Variants in FBXO27 observed in about 807,000 individuals in gnomAD.
The protein encoded by FBXO27 is F-box protein 27.
FBXO27 carries 28 observed loss-of-function variants against 28.3 expected under a neutral mutation model. That is an observed-to-expected ratio of 0.99 (90% confidence interval 0.73 to 1.36). FBXO27 has a LOEUF of 1.36. Among genes scored for constraint, FBXO27 ranks in the 40% most tolerant of loss-of-function variants. The probability of loss-of-function intolerance (pLI) is 0.00; values close to 1 mark genes in which losing one functional copy is unlikely to be tolerated. For missense variants in FBXO27, 388 were observed against 394.1 expected, an observed-to-expected ratio of 0.98 and a Z score of 0.13; for synonymous variants, 175 against 167.3, an observed-to-expected ratio of 1.05 and a Z score of -0.36.
chr19:39,019,383 C>A (rs1040185169), downstream of FBXO27, among the ~76,000 whole-genome samples: 2 of 115,006 alleles, frequency 1.7e-5, no homozygotes, highest in Admixed American at 2.5e-4. Flanking sequence ...CGAGATCGTG[C>A]CATTGCACTC....
At chr19:39,012,188 C>T (rs1444822447) in intron 2 of FBXO27, among the ~76,000 whole-genome samples, 4 of 133,362 alleles carry the variant, frequency 3.0e-5, no homozygotes, top group Non-Finnish European at 6.3e-5. Flanking sequence ...ATTTATTAAC[C>T]TTTTTTTTTT....
chr19:39,027,354 A>C (rs1412807020), intron 4 of FBXO27, among the ~76,000 whole-genome samples: 5 of 152,136 alleles, frequency 3.3e-5, no homozygotes. Flanking sequence ...CACGTGGGCA[A>C]TCGATCAATC....
In FBXO27 at chr19:39,031,953, G is replaced by A. The variant is rs752647836; in HGVS notation, c.275C>T (p.Pro92Leu). The change falls in exon 2 of 6, where the codon CCC (proline) becomes CTC (leucine). Residue 92 changes from proline (P) to leucine (L), a missense_variant. Coordinates refer to ENST00000292853, the MANE Select transcript of FBXO27 (RefSeq NM_178820.5). The stretch of plus-strand genomic sequence containing the variant: ...GGGGCAAGGCCTGGCGTTACGGGCG[G>A]GAGACTGGCAGCTGCGGGCGAGGTG... Reference protein sequence around the residue: ...LLHLARSCQSPARNARPCPLG... With the variant: ...LLHLARSCQSLARNARPCPLG... 2 of 1,519,408 alleles carry A rather than the reference G, an allele frequency of 1.3e-6. No homozygotes were observed. The highest frequency in any genetic ancestry group is 1.3e-5 in the South Asian group (1 of 78,682). 94.1% of individuals were successfully genotyped at this position (1,519,408 alleles called of 1,614,324 possible). A position where few individuals can be genotyped will look rare whatever the true frequency, so the allele number is the denominator to read the frequency against.
intron 2 of FBXO27, 152 bp downstream of exon 2, chr19:39,031,712 G>T: frequency 7.6e-7 from 1 of 1,315,542 alleles, no homozygotes; most frequent in East Asian, 2.7e-5. Context: ...GGCTCCCAAT[G>T]CTGCCCCGCC....
In FBXO27 at chr19:39,025,464, A is replaced by G. The variant is rs1313131954; in HGVS notation, c.799T>C (p.Tyr267His). 6.2e-7 allele frequency: 1 copy of G among 1,614,144 alleles called. No individual in the cohort carries two copies. The highest frequency in any genetic ancestry group is 8.5e-7 in the Non-Finnish European group (1 of 1,179,998). Residue 267 changes from tyrosine to histidine, a missense_variant, in exon 6 of 6, where the codon TAT (tyrosine) becomes CAT (histidine). By Grantham distance (83) the Tyr-to-His change is moderately conservative. Coordinates refer to ENST00000292853, the MANE Select transcript of FBXO27 (RefSeq NM_178820.5). ...CTGGAGTTGGTCACACGGGCTCCATAGTGGCCAGCCCAGAACTGTGTGTCC... is the reference window on the plus strand; with the variant it reads ...CTGGAGTTGGTCACACGGGCTCCATGGTGGCCAGCCCAGAACTGTGTGTCC... Reference protein sequence around the residue: ...GQDTQFWAGHYGARVTNSSVI... With the variant: ...GQDTQFWAGHHGARVTNSSVI...
chr19:39,012,635 C>CTTCTTT (rs201823960), intron 2 of FBXO27, among the ~76,000 whole-genome samples: 3 of 151,214 alleles, frequency 2.0e-5, no homozygotes, highest in Non-Finnish European at 4.4e-5. Flanking sequence ...AAATTTTCTT[C>CTTCTTT]TTTTTTTTTG....
chr19:39,032,028 C>T lies in FBXO27; in HGVS notation c.200G>A (p.Trp67Ter). ...GTGGTCGCGGGCCAGGATCAGCAGC[C>T]ACAGGGCCTGGCCGTCCACCAGGGC... ...WRALVDGQAL[W>*]LLILARDHGA... Residue 67 changes from tryptophan to a stop codon, truncating the protein, a stop_gained, in exon 2 of 6, where the codon TGG becomes TAG. Coordinates refer to ENST00000292853, the MANE Select transcript of FBXO27 (RefSeq NM_178820.5). LOFTEE classifies it high-confidence loss of function. The surrounding 1 kb of genome is among the most constrained non-coding windows in gnomAD (Gnocchi z 4.7). 2 of 1,529,388 alleles carry T rather than the reference C, an allele frequency of 1.3e-6. No homozygotes were observed. The highest frequency in any genetic ancestry group is 8.7e-7 in the Non-Finnish European group (1 of 1,144,538). 94.7% of individuals were successfully genotyped at this position (1,529,388 alleles called of 1,614,324 possible). A position where few individuals can be genotyped will look rare whatever the true frequency, so the allele number is the denominator to read the frequency against.
At position 39,031,241 on chromosome 19, in the gene FBXO27, G is replaced by A. The variant is rs148257967; in HGVS notation, c.444C>T (p.Ala148=). The change falls in exon 3 of 6, where the codon GCC becomes GCT. Residue 148 remains alanine (A), a synonymous_variant. Transcript: ENST00000292853. ...VEENRTTVPG[A]PSQTCFVTSF... is the part of the protein sequence containing the mutation. ...AAGTCACGAAGCACGTCTGAGAAGG[G>A]GCCCCAGGCACGGTTGTCCTGTTTT... is the stretch of plus-strand genomic sequence containing the variant. 22 of 1,613,972 alleles carry A rather than the reference G, an allele frequency of 1.4e-5. No homozygotes were observed. The highest frequency in any genetic ancestry group is 1.2e-4 in the African/African-American group (9 of 74,904).
Position 39,024,714 on chromosome 19 carries a change from G to C in FBXO27, c.*697C>G, listed in dbSNP as rs2072862678. 2 of 152,080 alleles carry C rather than the reference G, an allele frequency of 1.3e-5. No individual in the cohort carries two copies. The highest frequency in any genetic ancestry group is 4.8e-5 in the African/African-American group (2 of 41,384). 9.4% of individuals were successfully genotyped at this position (152,080 alleles called of 1,614,324 possible). ...ATTTTTTGGATTTTTAGTAGAGACG[G>C]GGTTTCACCATGTTGGCCAGGCTGG... On this transcript the variant is annotated 3_prime_UTR_variant, in exon 6 of 6. Coordinates refer to ENST00000292853, the MANE Select transcript of FBXO27 (RefSeq NM_178820.5).
At chr19:39,007,117 C>T (rs1975741391) in intron 2 of FBXO27, among the ~76,000 whole-genome samples, 1 of 150,464 alleles carries the variant, frequency 6.6e-6, no homozygotes, top group South Asian at 2.1e-4. Flanking sequence ...ACGTGGTGCC[C>T]CCTGGAGACA....
At chr19:39,008,048 A>C (rs1021877159) in intron 2 of FBXO27, among the ~76,000 whole-genome samples, 3 of 152,100 alleles carry the variant, frequency 2.0e-5, no homozygotes, top group Non-Finnish European at 4.4e-5. Flanking sequence ...CGGTTGCCTG[A>C]GCTTAGGAGC....
rs992264138 is a variant in FBXO27, at chr19:39,032,402, G to C, written c.-27+101C>G. On this transcript the variant is annotated intron_variant, in intron 1 of 5. Transcript: ENST00000292853. This position sits in a 1 kb window ranked among gnomAD's most constrained non-coding sequence, Gnocchi z 4.7. Reference sequence around the variant, plus strand: ...CCCATCCCCCAGCCCGTCCTTGATAGCCCCGATATCCCGGAGACCCCGCGG... The same window carrying C: ...CCCATCCCCCAGCCCGTCCTTGATACCCCCGATATCCCGGAGACCCCGCGG... The C allele has an allele frequency of 4.3e-6, 4 of 930,662 alleles. No individual in the cohort carries two copies. The highest frequency in any genetic ancestry group is 5.9e-6 in the Non-Finnish European group (4 of 676,308). The allele number at this position is 930,662 out of a possible 1,614,324, so 57.7% of individuals were successfully genotyped here. A position where few individuals can be genotyped will look rare whatever the true frequency, so the allele number is the denominator to read the frequency against.
intron 1 of FBXO27, among the ~76,000 whole-genome samples, chr19:39,017,385 C>T (rs1041185377): frequency 6.6e-6 from 1 of 152,138 alleles, no homozygotes; most frequent in Non-Finnish European, 1.5e-5. Flanking sequence ...AAACATTTTA[C>T]ATTGATTTTA....
chr19:39,016,193 G>A (rs538595328), intron 1 of FBXO27, among the ~76,000 whole-genome samples: 5 of 152,246 alleles, frequency 3.3e-5, no homozygotes, highest in Admixed American at 1.3e-4. Context: ...GTGTGATACC[G>A]CAATGGTAGA....
intron 1 of FBXO27, among the ~76,000 whole-genome samples, chr19:39,015,016 TC>T (rs2072812944): frequency 2.2e-5 from 1 of 45,806 alleles, no homozygotes. Context: ...AGACTCTGTC[TC>T]AAAAAAAAAA....
chr19:39,020,179 C>T (rs567527684), downstream of FBXO27, among the ~76,000 whole-genome samples: 121 of 152,140 alleles, frequency 8.0e-4, no homozygotes, highest in Admixed American at 1.7e-3. Context: ...TCTACTGTTT[C>T]GTGCAAATGG....
At chr19:39,021,152 T>G (rs143891387), downstream of FBXO27, among the ~76,000 whole-genome samples, 1 of 152,180 alleles carries the variant, frequency 6.6e-6, no homozygotes, top group African/African-American at 2.4e-5. Context: ...GGCCAGAAGA[T>G]GTTAACTGAA....
intron 5 of FBXO27, 86 bp downstream of exon 5, chr19:39,026,784 A>AT (rs1224515958): frequency 6.3e-7 from 1 of 1,581,790 alleles, no homozygotes; most frequent in Non-Finnish European, 8.6e-7. Context: ...ACTGTCACTG[A>AT]TTTTAAGCCA....
chr19:39,027,203 C>A (rs1350956938), intron 4 of FBXO27, among the ~76,000 whole-genome samples, 198 bp from the exon 5 acceptor site: 1 of 152,152 alleles, frequency 6.6e-6, no homozygotes, highest in African/African-American at 2.4e-5. Context: ...ACTGGATAAT[C>A]TACCAATATG....
Sources: gnomAD v4.1 joint callset for allele counts (sites outside exome capture counted in the v4.1 genomes callset) on GRCh38, gnomAD v4.1.1 for gene constraint, Gnocchi (gnomAD v3.1) non-coding constraint, MANE v1.5 for transcripts, NCBI Gene and HGNC (gene_info 2026-07-23, HGNC 2026-07-21) for gene names.